B4GALT5: variants seen among roughly 807,000 people sequenced by gnomAD.
The protein encoded by B4GALT5 is UDP-Gal:beta-GlcNAc beta-1,4-galactosyltransferase 5.
A neutral mutation model predicts 45.0 loss-of-function variants in B4GALT5; 11 were observed. The ratio of observed to expected loss-of-function variants is 0.24; its 90% CI spans 0.15 to 0.40. The LOEUF is 0.40. Ranked by LOEUF, B4GALT5 falls within the 10% of genes least tolerant of loss-of-function variation. B4GALT5 has a pLI of 1.00. For synonymous variants in B4GALT5, 185 were observed against 182.9 expected (o/e 1.01, Z -0.09); for missense variants, 337 against 500.2 (o/e 0.67, Z 3.11).
intron 1 of B4GALT5, among the ~76,000 whole-genome samples, chr20:49,665,413 T>A (rs2085685548): frequency 2.8e-5 from 2 of 70,392 alleles, no homozygotes; most frequent in Non-Finnish European, 4.9e-5. Flanking sequence ...ACCCTGTCTC[T>A]CAAAAAGGGG....
At chr20:49,706,911 G>C (rs1163857905) in intron 1 of B4GALT5, among the ~76,000 whole-genome samples, 1 of 152,178 alleles carries the variant, frequency 6.6e-6, no homozygotes, top group Non-Finnish European at 1.5e-5. Flanking sequence ...AGGGAAGCAA[G>C]AAGTCAATTG....
In B4GALT5 at chr20:49,699,307, C is replaced by T. The variant is rs752262228; in HGVS notation, c.115+14269G>A. 7.1e-5 allele frequency among the ~76,000 whole-genome samples: 10 copies of T among 140,890 alleles called. No homozygotes were observed. In the Admixed American group the frequency reaches 7.5e-4, roughly 11 times the overall value. 92.4% of individuals were successfully genotyped at this position (140,890 alleles called of 152,430 possible). On this transcript the variant is annotated intron_variant, in intron 1 of 8. Transcript: ENST00000371711. ...AAAGCATTATTGTATACATACTGTA[C>T]GACACAAAGTGCTTAATTGTAACTT...
At chr20:49,659,872 G>A (rs2085658426) in intron 1 of B4GALT5, among the ~76,000 whole-genome samples, 1 of 151,830 alleles carries the variant, frequency 6.6e-6, no homozygotes, top group Non-Finnish European at 1.5e-5. Context: ...CACCTCCCGG[G>A]TTCAAGTGAT....
At chr20:49,651,707 T>C (rs763875844) in intron 2 of B4GALT5, among the ~76,000 whole-genome samples, 11 of 152,268 alleles carry the variant, frequency 7.2e-5, no homozygotes, top group Non-Finnish European at 1.6e-4. Context: ...CAACAGCAAC[T>C]GCTTATTCAG....
chr20:49,685,454 G>C (rs115286051), intron 1 of B4GALT5, among the ~76,000 whole-genome samples: 2,281 of 152,236 alleles, frequency 0.015, 56 homozygotes, highest in African/African-American at 0.052. Context: ...GAAAGCAGCA[G>C]GGGTAGCAAC....
intron 6 of B4GALT5, among the ~76,000 whole-genome samples, chr20:49,640,035 T>C (rs1424468089): frequency 6.6e-6 from 1 of 152,242 alleles, no homozygotes; most frequent in Non-Finnish European, 1.5e-5. Flanking sequence ...TCAATGGTTT[T>C]AGTTTATTCA....
At chr20:49,683,038 G>A (rs370531287) in intron 1 of B4GALT5, among the ~76,000 whole-genome samples, 4 of 152,050 alleles carry the variant, frequency 2.6e-5, no homozygotes, top group African/African-American at 9.7e-5. Flanking sequence ...AGGCTGCAGT[G>A]AACTGTGATT....
chr20:49,643,708 C>A, intron 3 of B4GALT5, 58 bp from the exon 4 acceptor site: 1 of 1,573,204 alleles, frequency 6.4e-7, no homozygotes, highest in Non-Finnish European at 8.7e-7. Context: ...TTTCCCTATG[C>A]CTGGGGTTTT....
intron 1 of B4GALT5, among the ~76,000 whole-genome samples, chr20:49,666,103 C>G (rs1223959351): frequency 6.6e-6 from 1 of 152,142 alleles, no homozygotes; most frequent in Admixed American, 6.5e-5. Flanking sequence ...TTACCCTACT[C>G]AAAATTCCTG....
intron 1 of B4GALT5, among the ~76,000 whole-genome samples, chr20:49,661,973 C>G (rs1033871833): frequency 3.3e-5 from 5 of 152,166 alleles, no homozygotes; most frequent in African/African-American, 1.2e-4. Context: ...AATTTCCATT[C>G]AGATGCCAGT....
chr20:49,654,706 C>A (rs2085635041), intron 2 of B4GALT5, among the ~76,000 whole-genome samples: 1 of 152,104 alleles, frequency 6.6e-6, no homozygotes, highest in Non-Finnish European at 1.5e-5. Context: ...CAGTGAACTT[C>A]CAAAAATCTT....
chr20:49,637,203 C>T, intron 8 of B4GALT5, 138 bp downstream of exon 8: 6 of 726,892 alleles, frequency 8.3e-6, no homozygotes, highest in Non-Finnish European at 1.5e-5. Context: ...AGTTAGAATA[C>T]ATGCAACAGC....
At chr20:49,645,810 T>C (rs575326145) in intron 3 of B4GALT5, among the ~76,000 whole-genome samples, 1 of 152,188 alleles carries the variant, frequency 6.6e-6, no homozygotes, top group Admixed American at 6.5e-5. Flanking sequence ...ATAATGATAA[T>C]AAACTATGTT....
At chr20:49,690,028 C>T (rs2085803654) in intron 1 of B4GALT5, among the ~76,000 whole-genome samples, 1 of 151,986 alleles carries the variant, frequency 6.6e-6, no homozygotes, top group South Asian at 2.1e-4. Flanking sequence ...GTTTTTGAGA[C>T]AGTCTCCCTC....
intron 1 of B4GALT5, among the ~76,000 whole-genome samples, chr20:49,701,531 T>C (rs1358553323): frequency 6.6e-6 from 1 of 152,126 alleles, no homozygotes; most frequent in African/African-American, 2.4e-5. Flanking sequence ...CTAGGGACCA[T>C]CTTGGCAGCC....
rs1192786504 is a variant in B4GALT5, at chr20:49,703,741, T to C, written c.115+9835A>G. Among the ~76,000 whole-genome samples the C allele has an allele frequency of 1.2e-3, 179 of 143,520 alleles. 2 individuals carry two copies. In the East Asian group the frequency reaches 0.027, roughly 22 times the overall value. 94.2% of individuals were successfully genotyped at this position (143,520 alleles called of 152,430 possible). A position where few individuals can be genotyped will look rare whatever the true frequency, so the allele number is the denominator to read the frequency against. On this transcript the variant is annotated intron_variant, in intron 1 of 8. Coordinates refer to ENST00000371711, the MANE Select transcript of B4GALT5 (RefSeq NM_004776.4). ...GCATTTCTACTAAAAAAAAAAAAAATAGCCAGGGGTCATGGTGCTCGCCTG... is the reference window on the plus strand; with the variant it reads ...GCATTTCTACTAAAAAAAAAAAAAACAGCCAGGGGTCATGGTGCTCGCCTG...
chr20:49,695,788 A>G (rs946899704), intron 1 of B4GALT5, among the ~76,000 whole-genome samples: 2 of 152,110 alleles, frequency 1.3e-5, no homozygotes, highest in Admixed American at 6.5e-5. Flanking sequence ...AAACTGCATG[A>G]CATTAATGAT....
chr20:49,645,697 G>A (rs1012025440), intron 3 of B4GALT5, among the ~76,000 whole-genome samples: 7 of 151,798 alleles, frequency 4.6e-5, no homozygotes, highest in African/African-American at 7.3e-5. Context: ...TGCAGTGAGC[G>A]GAGACGGCAC....
chr20:49,669,797 C>G (rs567002463), intron 1 of B4GALT5, among the ~76,000 whole-genome samples: 1 of 151,538 alleles, frequency 6.6e-6, no homozygotes, highest in African/African-American at 2.4e-5. Context: ...GGTTTTTCTG[C>G]AACCACAAAA....
Sources: gnomAD v4.1 joint callset for allele counts (sites outside exome capture counted in the v4.1 genomes callset) on GRCh38, gnomAD v4.1.1 for gene constraint, MANE v1.5 for transcripts, NCBI Gene and HGNC (gene_info 2026-07-23, HGNC 2026-07-21) for gene names.